The following CNTNAP4 variants were observed in gnomAD, a reference collection of about 807,000 sequenced individuals.
CNTNAP4 encodes contactin-associated protein-like 4.
CNTNAP4 carries 98 observed loss-of-function variants against 148.4 expected under a neutral mutation model. The ratio of observed to expected loss-of-function variants is 0.66; its 90% CI spans 0.56 to 0.78. The LOEUF (loss-of-function observed/expected upper bound fraction) is 0.78, where lower values mean the gene tolerates loss of function less well. CNTNAP4 is among the 30% of genes least tolerant of loss of function. CNTNAP4 has a pLI of 0.00. For synonymous variants in CNTNAP4, 730 were observed against 565.1 expected (o/e 1.29, Z -4.14); for missense variants, 1,935 against 1,565.6 (o/e 1.24, Z -3.98).
chr16:76,426,559 G>A (rs781770903), intron 3 of CNTNAP4, among the ~76,000 whole-genome samples: 4 of 152,196 alleles, frequency 2.6e-5, no homozygotes, highest in Non-Finnish European at 4.4e-5. Flanking sequence ...TTAACAGTGT[G>A]CTGTGTGGAA....
chr16:76,398,786 A>G (rs1229348103), intron 3 of CNTNAP4, among the ~76,000 whole-genome samples: 1 of 152,102 alleles, frequency 6.6e-6, no homozygotes, highest in African/African-American at 2.4e-5. Flanking sequence ...ATCTTTTTAA[A>G]TAATATTGGG....
chr16:76,363,342 A>G (rs1383269145), intron 3 of CNTNAP4, among the ~76,000 whole-genome samples: 2 of 151,914 alleles, frequency 1.3e-5, no homozygotes, highest in Non-Finnish European at 2.9e-5. Context: ...TTTTATTTTC[A>G]GTAGAGACTG....
At chr16:76,380,425 C>T (rs1353554606) in intron 3 of CNTNAP4, among the ~76,000 whole-genome samples, 1 of 152,140 alleles carries the variant, frequency 6.6e-6, no homozygotes, top group African/African-American at 2.4e-5. Flanking sequence ...CCAATGCTTT[C>T]CTTCAGATTC....
chr16:76,454,946 GATTAA>G (rs2080665603), intron 8 of CNTNAP4, among the ~76,000 whole-genome samples: 1 of 152,126 alleles, frequency 6.6e-6, no homozygotes, highest in Non-Finnish European at 1.5e-5. Flanking sequence ...ATGAAATTAA[GATTAA>G]ATTGTATTGA....
chr16:76,556,250 C>T (rs2085194389), intron 23 of CNTNAP4, among the ~76,000 whole-genome samples: 1 of 152,006 alleles, frequency 6.6e-6, no homozygotes, highest in African/African-American at 2.4e-5. Flanking sequence ...TAGATTTAGC[C>T]AGAGAGAAAG....
At chr16:76,393,729 T>TGGGTAGGGAAGACAC (rs1406473120) in intron 3 of CNTNAP4, among the ~76,000 whole-genome samples, 1 of 151,532 alleles carries the variant, frequency 6.6e-6, no homozygotes, top group Admixed American at 6.6e-5. Flanking sequence ...GGGCAGAGGG[T>TGGGTAGGGAAGACAC]ATCCTGGGCT....
At chr16:76,361,907 A>G (rs1373536368) in intron 3 of CNTNAP4, among the ~76,000 whole-genome samples, 1 of 152,060 alleles carries the variant, frequency 6.6e-6, no homozygotes, top group Non-Finnish European at 1.5e-5. Context: ...TTTGATTTGC[A>G]TTTCCCTGAT....
At chr16:76,325,818 CAAG>C (rs753990349) in intron 2 of CNTNAP4, among the ~76,000 whole-genome samples, 1 of 151,910 alleles carries the variant, frequency 6.6e-6, no homozygotes, top group Admixed American at 6.6e-5. Flanking sequence ...GTAATACAAT[CAAG>C]AAGACAAAAA....
chr16:76,423,720 G>T (rs1220249795), intron 3 of CNTNAP4, among the ~76,000 whole-genome samples: 2 of 152,026 alleles, frequency 1.3e-5, no homozygotes, highest in African/African-American at 4.8e-5. Context: ...ATCCAAAGCA[G>T]AATCTTGGTT....
At chr16:76,304,300 TG>T (rs1960264118) in intron 1 of CNTNAP4, among the ~76,000 whole-genome samples, 1 of 152,166 alleles carries the variant, frequency 6.6e-6, no homozygotes, top group African/African-American at 2.4e-5. Flanking sequence ...CACAATATTC[TG>T]GCTTCAGTGC....
rs1403904212 is a variant in CNTNAP4 at position 76,449,792 on chromosome 16, T to C, written c.1005T>C (p.Asn335=). The C allele has an allele frequency of 1.2e-6, 2 of 1,601,546 alleles. No homozygotes were observed. Among genetic ancestry groups the C allele is most frequent in the South Asian group, 2.3e-5 (2 of 88,372 alleles). ...GAAATTTTCATGGATGTTTAGAAAA[T>C]CTCTATTATAATGGAGTGGATATCA... is the stretch of plus-strand genomic sequence containing the variant. ...PHRNFHGCLE[N]LYYNGVDIID... is the part of the protein sequence containing the mutation. The change falls in exon 7 of 24, where the codon AAT becomes AAC. Residue 335 remains asparagine (N), a synonymous_variant. Coordinates refer to ENST00000611870, the MANE Select transcript of CNTNAP4 (RefSeq NM_033401.5).
At chr16:76,327,206 G>A (rs573665312) in intron 2 of CNTNAP4, among the ~76,000 whole-genome samples, 4 of 152,152 alleles carry the variant, frequency 2.6e-5, no homozygotes, top group African/African-American at 9.7e-5. Flanking sequence ...CCCCATCACT[G>A]CCTCTCCTGT....
intron 12 of CNTNAP4, among the ~76,000 whole-genome samples, chr16:76,484,591 A>T (rs1813831703): frequency 1.3e-5 from 2 of 152,124 alleles, no homozygotes; most frequent in African/African-American, 4.8e-5. Flanking sequence ...GGGGGAGGTT[A>T]AGTGTAGGAG....
chr16:76,526,584 T>C (rs1053859238), intron 17 of CNTNAP4, among the ~76,000 whole-genome samples: 4 of 152,178 alleles, frequency 2.6e-5, no homozygotes, highest in Non-Finnish European at 5.9e-5. Context: ...TTGATGTTAG[T>C]GTTTTACCAC....
intron 2 of CNTNAP4, among the ~76,000 whole-genome samples, chr16:76,346,122 G>A (rs959520251): frequency 3.3e-5 from 5 of 152,130 alleles, no homozygotes; most frequent in South Asian, 2.1e-4. Context: ...ATTCAAGACC[G>A]AATTCAACAA....
chr16:76,294,366 T>G (rs753677871), intron 1 of CNTNAP4, among the ~76,000 whole-genome samples: 2 of 152,170 alleles, frequency 1.3e-5, no homozygotes, highest in Non-Finnish European at 2.9e-5. Flanking sequence ...TAACCAGTAA[T>G]ATCACTAGAG....
At chr16:76,340,918 A>T (rs1964420074) in intron 2 of CNTNAP4, among the ~76,000 whole-genome samples, 2 of 152,184 alleles carry the variant, frequency 1.3e-5, no homozygotes, top group African/African-American at 4.8e-5. Flanking sequence ...TCCACTGTTT[A>T]GTATATCCTT....
chr16:76,533,420 C>T (rs2084071819), intron 17 of CNTNAP4, among the ~76,000 whole-genome samples: 1 of 151,974 alleles, frequency 6.6e-6, no homozygotes, highest in African/African-American at 2.4e-5. Flanking sequence ...TGTTGTATGC[C>T]ACTGTAGAAT....
intron 2 of CNTNAP4, among the ~76,000 whole-genome samples, chr16:76,337,004 G>C (rs376220927): frequency 2.6e-5 from 4 of 152,172 alleles, no homozygotes; most frequent in East Asian, 3.8e-4. Flanking sequence ...ACTAACCGCT[G>C]TCAAGCTGGT....
Sources: gnomAD v4.1 joint callset for allele counts (sites outside exome capture counted in the v4.1 genomes callset) on GRCh38, gnomAD v4.1.1 for gene constraint, MANE v1.5 for transcripts, NCBI Gene and HGNC (gene_info 2026-07-23, HGNC 2026-07-21) for gene names.